The following PCDHGB5 variants were observed in gnomAD, a reference collection of about 807,000 sequenced individuals.
PCDHGB5 encodes the protein protocadherin gamma subfamily B, 5, also known as protocadherin gamma-B5.
A neutral mutation model predicts 62.9 loss-of-function variants in PCDHGB5; 48 were observed. The observed-to-expected ratio is 0.76, with a 90% CI of 0.61 to 0.97. The LOEUF is 0.97. Among genes scored for constraint, PCDHGB5 ranks in the 50% least tolerant of loss-of-function variants. The probability of loss-of-function intolerance (pLI) is 0.00; values close to 1 mark genes in which losing one functional copy is unlikely to be tolerated. For missense variants in PCDHGB5, 1,118 were observed against 1,198.6 expected (o/e 0.93, Z 0.99); for synonymous variants, 474 against 511.2 (o/e 0.93, Z 0.98).
In PCDHGB5 at chr5:141,487,562, G is replaced by A. The variant is rs140619162; in HGVS notation, c.2398-7245G>A. The A allele has an allele frequency of 7.7e-5, 125 of 1,614,060 alleles. 1 individual carries two copies. The highest frequency in any genetic ancestry group is 5.7e-4 in the Admixed American group (34 of 60,006). On this transcript the variant is annotated intron_variant, in intron 1 of 3. Transcript: ENST00000617380. The surrounding 1 kb of genome is among the most constrained non-coding windows in gnomAD (Gnocchi z 5.0). ...GAAGTCACCCAGTGCACCTATGGCA[G>A]GGGAGCCTGTTCGCCCAAGCTGCCC...
At chr5:141,409,866 G>T in intron 1 of PCDHGB5, 1 of 1,612,376 alleles carries the variant, frequency 6.2e-7, no homozygotes, top group Non-Finnish European at 8.5e-7. Context: ...GTGGGAGACC[G>T]CAATGACAAC....
chr5:141,475,899 T>A, intron 1 of PCDHGB5: 1 of 574,766 alleles, frequency 1.7e-6, no homozygotes. Flanking sequence ...TGTGTGCCGC[T>A]GTCGGCCAAT....
intron 1 of PCDHGB5, 112 bp downstream of exon 1, chr5:141,400,636 G>C: frequency 7.5e-7 from 1 of 1,325,762 alleles, no homozygotes; most frequent in Non-Finnish European, 1.1e-6. Context: ...AGTCAGAGCT[G>C]CTCAGAAAGC....
At chr5:141,407,881 C>T in intron 1 of PCDHGB5, 2 of 375,244 alleles carry the variant, frequency 5.3e-6, no homozygotes, top group Non-Finnish European at 9.5e-6. Context: ...ATATACATTT[C>T]GGAGACCGAA....
At chr5:141,424,628 A>C (rs962512805) in intron 1 of PCDHGB5, 3 of 152,348 alleles carry the variant, frequency 2.0e-5, no homozygotes, top group African/African-American at 7.2e-5. Flanking sequence ...GTTTGTGAAT[A>C]TATAAATAGA....
At chr5:141,410,595 C>T (rs753833671) in intron 1 of PCDHGB5, 1 of 1,608,802 alleles carries the variant, frequency 6.2e-7, no homozygotes. Flanking sequence ...GAGGATTTGA[C>T]TTCACATCCT....
At position 141,490,521 on chromosome 5, in the gene PCDHGB5, C is replaced by T. The variant is rs146064810; in HGVS notation, c.2398-4286C>T. The stretch of plus-strand genomic sequence containing the variant: ...ACTATATCATCGAGCTGCTGGCCAG[C>T]GATGCTGGTTCACCTTCCCTACACA... On this transcript the variant is annotated intron_variant, in intron 1 of 3. Coordinates refer to ENST00000617380, the MANE Select transcript of PCDHGB5 (RefSeq NM_018925.3). This position sits in a 1 kb window ranked among gnomAD's most constrained non-coding sequence, Gnocchi z 5.4. The T allele has an allele frequency of 1.0e-4, 166 of 1,614,058 alleles. No individual in the cohort carries two copies. In the African/African-American group the frequency reaches 1.7e-3, roughly 16 times the overall value.
intron 1 of PCDHGB5, chr5:141,412,671 A>T (rs1335241581): frequency 6.6e-6 from 1 of 152,290 alleles, no homozygotes; most frequent in Non-Finnish European, 1.5e-5. Flanking sequence ...AATATGACCT[A>T]AAATAAGTAT....
At chr5:141,501,290 TACACACACACACACAC>T (rs55762287) in intron 2 of PCDHGB5, among the ~76,000 whole-genome samples, 7 of 136,164 alleles carry the variant, frequency 5.1e-5, no homozygotes, top group South Asian at 2.4e-4. Context: ...TATTCCCTTA[TACACACACACACACAC>T]ACACACACAC....
At chr5:141,458,172 T>A (rs1023447659) in intron 1 of PCDHGB5, among the ~76,000 whole-genome samples, 2 of 152,216 alleles carry the variant, frequency 1.3e-5, no homozygotes, top group African/African-American at 4.8e-5. Flanking sequence ...CACAGTAGTA[T>A]ACCTTACTTG....
intron 1 of PCDHGB5, among the ~76,000 whole-genome samples, chr5:141,438,585 TACATAC>T (rs201018754): frequency 0.16 from 9,805 of 59,734 alleles, 612 homozygotes; most frequent in African/African-American, 0.28. Context: ...CATACATACA[TACATAC>T]ATATATATAT....
At chr5:141,429,924 A>T (rs2097252885) in intron 1 of PCDHGB5, among the ~76,000 whole-genome samples, 1 of 152,210 alleles carries the variant, frequency 6.6e-6, no homozygotes, top group Admixed American at 6.5e-5. Context: ...GTATTAATAG[A>T]ATTCTGGAGT....
intron 1 of PCDHGB5, chr5:141,418,306 GA>G: frequency 6.2e-7 from 1 of 1,614,032 alleles, no homozygotes; most frequent in East Asian, 2.2e-5. Flanking sequence ...TCAGCCTGGG[GA>G]TGGGAACAAT....
chr5:141,458,702 T>G (rs1333580253), intron 1 of PCDHGB5, among the ~76,000 whole-genome samples: 1 of 152,102 alleles, frequency 6.6e-6, no homozygotes, highest in East Asian at 1.9e-4. Context: ...CCCGAGTAGC[T>G]GGGATTACAG....
At chr5:141,407,114 T>C (rs1309229793) in intron 1 of PCDHGB5, among the ~76,000 whole-genome samples, 1 of 152,228 alleles carries the variant, frequency 6.6e-6, no homozygotes, top group Non-Finnish European at 1.5e-5. Flanking sequence ...ATTATTTGGG[T>C]TTCAGTTGCT....
Position 141,491,162 on chromosome 5 carries a change from C to T in PCDHGB5, c.2398-3645C>T. 6.2e-7 allele frequency: 1 copy of T among 1,614,112 alleles called. No homozygotes were observed. Among genetic ancestry groups the T allele is most frequent in the Non-Finnish European group, 8.5e-7 (1 of 1,179,952 alleles). On this transcript the variant is annotated intron_variant, in intron 1 of 3. Coordinates refer to ENST00000617380, the MANE Select transcript of PCDHGB5 (RefSeq NM_018925.3). This position sits in a 1 kb window ranked among gnomAD's most constrained non-coding sequence, Gnocchi z 6.9. ...GCCTTACTGGAGGATGACTCTGACA[C>T]CCAGCAGGTGGTGGTCCTGGTGAGG...
intron 1 of PCDHGB5, chr5:141,441,447 C>T: frequency 6.2e-6 from 1 of 161,550 alleles, no homozygotes. Flanking sequence ...CCAGCCCAAG[C>T]ATCACCCTAC....
At chr5:141,412,233 A>T (rs866840267) in intron 1 of PCDHGB5, 1 of 152,256 alleles carries the variant, frequency 6.6e-6, no homozygotes, top group Non-Finnish European at 1.5e-5. Context: ...TTAAAAACCT[A>T]TATCACTACA....
At chr5:141,430,781 C>T (rs559701152) in intron 1 of PCDHGB5, 6 of 1,510,922 alleles carry the variant, frequency 4.0e-6, no homozygotes, top group South Asian at 2.7e-5. Context: ...GCGACTGCAC[C>T]GGGACTACAA....
Sources: gnomAD v4.1 joint callset for allele counts (sites outside exome capture counted in the v4.1 genomes callset) on GRCh38, gnomAD v4.1.1 for gene constraint, Gnocchi (gnomAD v3.1) non-coding constraint, MANE v1.5 for transcripts, NCBI Gene and HGNC (gene_info 2026-07-23, HGNC 2026-07-21) for gene names.